The following RABGAP1L variants were observed in gnomAD, a reference collection of about 807,000 sequenced individuals.
RABGAP1L encodes RAB GTPase activating protein 1 like, also known as rab GTPase-activating protein 1-like.
RABGAP1L carries 63 observed loss-of-function variants against 137.7 expected under a neutral mutation model. That is an observed-to-expected ratio of 0.46 (90% CI 0.37 to 0.56). RABGAP1L has a LOEUF of 0.56. Ranked by LOEUF, RABGAP1L falls within the 20% of genes least tolerant of loss-of-function variation. RABGAP1L has a pLI of 0.00. For synonymous variants in RABGAP1L, 431 were observed against 433.7 expected, an observed-to-expected ratio of 0.99 and a Z score of 0.08; for missense variants, 1,095 against 1,244.0, an observed-to-expected ratio of 0.88 and a Z score of 1.80.
intron 13 of RABGAP1L, among the ~76,000 whole-genome samples, chr1:174,420,387 G>C (rs977140008): frequency 6.6e-6 from 1 of 151,960 alleles, no homozygotes; most frequent in Non-Finnish European, 1.5e-5. Flanking sequence ...AGAAGAAAAA[G>C]AGTTAAGATG....
At chr1:174,487,965 A>G (rs1202745883) in intron 13 of RABGAP1L, among the ~76,000 whole-genome samples, 1 of 152,156 alleles carries the variant, frequency 6.6e-6, no homozygotes, top group Non-Finnish European at 1.5e-5. Context: ...TTCTATTTAT[A>G]TCTTATTATA....
chr1:174,159,833 G>A (rs1244417136), intron 1 of RABGAP1L, 176 bp downstream of exon 1: 1 of 152,374 alleles, frequency 6.6e-6, no homozygotes, highest in African/African-American at 2.4e-5. Context: ...GGCGGGTTCA[G>A]GACTGTCGGC....
rs1035283995 is a variant in RABGAP1L at position 174,274,639 on chromosome 1, TA to T, written c.1054-1193del. On this transcript the variant is annotated intron_variant, in intron 8 of 25. Transcript: ENST00000681986. ...GTGTGTGTGTGTGTGTGTGTGTGTG[TA>T]GAGGAGAGAAAGAGACCATTATCAT... Among the ~76,000 whole-genome samples, 3 of 147,418 alleles carry T rather than the reference TA, an allele frequency of 2.0e-5. No individual in the cohort carries two copies. In the East Asian group the frequency reaches 6.1e-4, roughly 30 times the overall value.
At chr1:174,375,532 T>C (rs1425711017) in intron 12 of RABGAP1L, among the ~76,000 whole-genome samples, 1 of 152,076 alleles carries the variant, frequency 6.6e-6, no homozygotes, top group Non-Finnish European at 1.5e-5. Context: ...GCTACATCAT[T>C]ACAAATCACT....
intron 13 of RABGAP1L, among the ~76,000 whole-genome samples, chr1:174,413,634 C>T (rs1650198352): frequency 6.6e-6 from 1 of 151,956 alleles, no homozygotes; most frequent in African/African-American, 2.4e-5. Flanking sequence ...TCTTCATTTC[C>T]CTATAGTGTT....
At chr1:174,900,026 T>A (rs114958176) in intron 19 of RABGAP1L, among the ~76,000 whole-genome samples, 65 of 152,318 alleles carry the variant, frequency 4.3e-4, no homozygotes, top group African/African-American at 1.4e-3. Flanking sequence ...TAGAAGCTAC[T>A]AGAGATACAG....
At chr1:174,349,806 GCCGGGCAGAGGCGCCC>G (rs1682914407) in intron 11 of RABGAP1L, among the ~76,000 whole-genome samples, 2 of 124,546 alleles carry the variant, frequency 1.6e-5, no homozygotes, top group Admixed American at 7.8e-5. Context: ...AGTAGGGGCG[GCCGGGCAGAGGCGCCC>G]CTCACCTCCC....
At chr1:174,281,223 A>G (rs1218556042) in intron 10 of RABGAP1L, among the ~76,000 whole-genome samples, 3 of 152,164 alleles carry the variant, frequency 2.0e-5, no homozygotes, top group African/African-American at 7.2e-5. Context: ...TTAGGTGGCC[A>G]GCTTTTATTC....
At chr1:174,474,242 C>T (rs1331713555) in intron 13 of RABGAP1L, among the ~76,000 whole-genome samples, 1 of 152,048 alleles carries the variant, frequency 6.6e-6, no homozygotes, top group Non-Finnish European at 1.5e-5. Flanking sequence ...GTCTTAATTT[C>T]GAATGGTTCT....
intron 17 of RABGAP1L, among the ~76,000 whole-genome samples, chr1:174,706,245 G>A (rs1680037997): frequency 6.6e-6 from 1 of 152,100 alleles, no homozygotes; most frequent in Non-Finnish European, 1.5e-5. Flanking sequence ...CTGAACAACT[G>A]CTAATTATTA....
At chr1:174,492,575 C>G (rs1224953167) in intron 13 of RABGAP1L, among the ~76,000 whole-genome samples, 2 of 152,050 alleles carry the variant, frequency 1.3e-5, no homozygotes, top group African/African-American at 2.4e-5. Flanking sequence ...GTCTCGAACT[C>G]CTGACCTCAG....
chr1:174,866,110 G>GGGGAGAGAGA (rs1157913092), intron 19 of RABGAP1L, among the ~76,000 whole-genome samples: 3 of 65,798 alleles, frequency 4.6e-5, no homozygotes, highest in African/African-American at 1.7e-4. Flanking sequence ...GGAGGGAGGG[G>GGGGAGAGAGA]GAGAGAGAGA....
At chr1:174,225,494 C>CTTTTTTTTTTTTTTTTTTTT (rs59323156) in intron 3 of RABGAP1L, among the ~76,000 whole-genome samples, 2 of 105,732 alleles carry the variant, frequency 1.9e-5, no homozygotes, top group African/African-American at 6.9e-5. Flanking sequence ...AGAATGTTGA[C>CTTTTTTTTTTTTTTTTTTTT]TTTTTTTTTT....
intron 1 of RABGAP1L, among the ~76,000 whole-genome samples, chr1:174,209,998 C>T (rs758736114): frequency 3.9e-5 from 6 of 152,194 alleles, no homozygotes; most frequent in Non-Finnish European, 8.8e-5. Flanking sequence ...GCAAGACCGT[C>T]AAGGTGATAC....
chr1:174,836,525 C>G (rs1473669962), intron 19 of RABGAP1L, among the ~76,000 whole-genome samples: 1 of 152,114 alleles, frequency 6.6e-6, no homozygotes. Context: ...AATCATAAAT[C>G]AAAGTTGAGA....
At chr1:174,497,220 A>G (rs900421973) in intron 13 of RABGAP1L, among the ~76,000 whole-genome samples, 7 of 152,198 alleles carry the variant, frequency 4.6e-5, no homozygotes, top group Non-Finnish European at 8.8e-5. Flanking sequence ...ATATTCCATC[A>G]TATCTTCACC....
chr1:174,651,800 C>G (rs1675522728), intron 14 of RABGAP1L, among the ~76,000 whole-genome samples: 1 of 152,180 alleles, frequency 6.6e-6, no homozygotes, highest in Admixed American at 6.5e-5. Context: ...ATTTGCAAGT[C>G]TGTGTCTTTT....
At chr1:174,734,820 C>T (rs1682794436) in intron 17 of RABGAP1L, among the ~76,000 whole-genome samples, 1 of 152,012 alleles carries the variant, frequency 6.6e-6, no homozygotes, top group African/African-American at 2.4e-5. Flanking sequence ...ATAATTTTTG[C>T]TTATTTATAT....
At chr1:174,217,490 A>AG (rs1401939721) in intron 1 of RABGAP1L, among the ~76,000 whole-genome samples, 1 of 152,222 alleles carries the variant, frequency 6.6e-6, no homozygotes. Context: ...AATCAGGTAG[A>AG]GGAGCAGCAA....
Sources: gnomAD v4.1 joint callset for allele counts (sites outside exome capture counted in the v4.1 genomes callset) on GRCh38, gnomAD v4.1.1 for gene constraint, MANE v1.5 for transcripts, NCBI Gene and HGNC (gene_info 2026-07-23, HGNC 2026-07-21) for gene names.